The following DUS1L variants were observed in gnomAD, a reference collection of about 807,000 sequenced individuals.
DUS1L encodes the protein dihydrouridine synthase 1 like.
A neutral mutation model predicts 61.2 loss-of-function variants in DUS1L; 56 were observed. That is an observed-to-expected ratio of 0.92 (90% confidence interval 0.74 to 1.14). DUS1L has a LOEUF of 1.14. DUS1L is among the 50% of genes most tolerant of loss of function. The probability of loss-of-function intolerance (pLI) is 0.00; values close to 1 mark genes in which losing one functional copy is unlikely to be tolerated. For missense variants in DUS1L, 630 were observed against 632.4 expected, an observed-to-expected ratio of 1.00 and a Z score of 0.04; for synonymous variants, 278 against 259.5, an observed-to-expected ratio of 1.07 and a Z score of -0.69.
At chr17:82,063,057 C>A in intron 4 of DUS1L, 84 bp from the exon 5 acceptor site, 1 of 1,203,714 alleles carries the variant, frequency 8.3e-7, no homozygotes, top group Non-Finnish European at 1.2e-6. Context: ...GCCCTGCAGA[C>A]AGCGGAGCCC....
chr17:82,059,023 G>C (rs970116525), intron 11 of DUS1L: 7 of 591,796 alleles, frequency 1.2e-5, no homozygotes, highest in Non-Finnish European at 1.8e-5. Context: ...GATGCAGGGG[G>C]CACCATCCTG....
Position 82,065,776 on chromosome 17 carries a change from A to C in DUS1L, c.-174T>G, listed in dbSNP as rs1293003518. On this transcript the variant is annotated 5_prime_UTR_variant, in exon 1 of 14. Transcript: ENST00000306796. ...CGCGCCGGGGCCGCCGCCGGGCCGC[A>C]GCCGGGCCCAAGGCTCCGCGCCGCC... 1 of 148,304 alleles carries C rather than the reference A, an allele frequency of 6.7e-6. No individual in the cohort carries two copies. Among genetic ancestry groups the C allele is most frequent in the Non-Finnish European group, 1.5e-5 (1 of 66,786 alleles). The allele number at this position is 148,304 out of a possible 1,614,324, so 9.2% of individuals were successfully genotyped here.
intron 11 of DUS1L, chr17:82,059,691 C>A (rs2033363951): frequency 3.8e-6 from 2 of 522,708 alleles, no homozygotes; most frequent in Non-Finnish European, 6.8e-6. Flanking sequence ...ACGAGCTTCA[C>A]CTGGCTGAAA....
chr17:82,063,362 T>A lies in DUS1L; in HGVS notation c.397+106A>T. The A allele has an allele frequency of 3.3e-6, 5 of 1,500,844 alleles. No individual in the cohort carries two copies. In the South Asian group the frequency reaches 4.6e-5, roughly 14 times the overall value. The allele number at this position is 1,500,844 out of a possible 1,614,324, so 93.0% of individuals were successfully genotyped here. A position where few individuals can be genotyped will look rare whatever the true frequency, so the allele number is the denominator to read the frequency against. ...GAAGCCCCAGGGTGATGCTGAGAAC[T>A]CCTGCCAACGCCTGTCCTCTCCTGA... On this transcript the variant is annotated intron_variant, in intron 4 of 13. Coordinates refer to ENST00000306796, the MANE Select transcript of DUS1L (RefSeq NM_022156.5).
intron 7 of DUS1L, 86 bp downstream of exon 7, chr17:82,061,532 G>A (rs771525730): frequency 7.6e-5 from 111 of 1,453,950 alleles, no homozygotes; most frequent in Non-Finnish European, 9.3e-5. Context: ...CATGGGGAGG[G>A]CAGTAGGCAG....
At chr17:82,065,413 G>C (rs1466734367) in intron 1 of DUS1L, 200 bp downstream of exon 1, 1 of 248,608 alleles carries the variant, frequency 4.0e-6, no homozygotes, top group Non-Finnish European at 7.7e-6. Context: ...GTGAAGTTAG[G>C]ACCCCCGGCC....
At chr17:82,060,177 AG>A in intron 10 of DUS1L, 84 bp from the exon 11 acceptor site, 1 of 1,518,388 alleles carries the variant, frequency 6.6e-7, no homozygotes, top group Non-Finnish European at 8.8e-7. Flanking sequence ...AGTCTGGGTG[AG>A]GGGCCAGGCG....
chr17:82,059,057 G>A (rs2033278504), intron 11 of DUS1L: 1 of 565,000 alleles, frequency 1.8e-6, no homozygotes, highest in Admixed American at 3.0e-5. Context: ...GGAAGCAGGT[G>A]GGCTGGGGGG....
At chr17:82,058,714 G>A (rs1214767231) in intron 12 of DUS1L, 67 bp downstream of exon 12, 2 of 1,608,890 alleles carry the variant, frequency 1.2e-6, no homozygotes, top group Non-Finnish European at 8.5e-7. Flanking sequence ...ACCCCAAGCA[G>A]TGCAGAGACC....
At chr17:82,060,669 A>G in intron 10 of DUS1L, 32 bp downstream of exon 10, 1 of 1,605,858 alleles carries the variant, frequency 6.2e-7, no homozygotes, top group South Asian at 1.1e-5. Context: ...ACCTTGGTGC[A>G]CATCCCCGCC....
chr17:82,065,292 C>A, intron 1 of DUS1L: 1 of 508,026 alleles, frequency 2.0e-6, no homozygotes, highest in Non-Finnish European at 3.5e-6. Context: ...GGACTTGACC[C>A]TCCCTGGGGA....
intron 7 of DUS1L, 37 bp downstream of exon 7, chr17:82,061,581 G>C (rs1472161663): frequency 6.3e-7 from 1 of 1,589,544 alleles, no homozygotes; most frequent in African/African-American, 1.3e-5. Context: ...CAGGCCGTGT[G>C]CATGGGGCCC....
intron 6 of DUS1L, 52 bp from the exon 7 acceptor site, chr17:82,061,773 A>ATGC (rs1370942716): frequency 3.6e-5 from 58 of 1,600,072 alleles, no homozygotes; most frequent in Non-Finnish European, 4.9e-5. Context: ...CACCCAGGTG[A>ATGC]TGCTGCCCCC....
rs138365909 is a variant in DUS1L, at chr17:82,062,912, C to T, written c.459G>A (p.Glu153=). The T allele has an allele frequency of 5.8e-5, 93 of 1,613,000 alleles. No individual in the cohort carries two copies. Among genetic ancestry groups the T allele is most frequent in the Non-Finnish European group, 7.5e-5 (89 of 1,179,978 alleles). ...GGGCGTACCTCACGGTCTTGTCAAT[C>T]TCCGGGAAGACACGGATTTTGCACG... ...PVTCKIRVFP[E]IDKTVRYAQM... The change falls in exon 5 of 14, where the codon GAG becomes GAA. Residue 153 remains glutamate, a synonymous_variant. Transcript: ENST00000306796.
chr17:82,062,467 G>A (rs761857950), intron 5 of DUS1L, among the ~76,000 whole-genome samples: 1 of 152,242 alleles, frequency 6.6e-6, no homozygotes, highest in Non-Finnish European at 1.5e-5. Flanking sequence ...ATCCAGGCCC[G>A]CGCCAGGCCA....
rs1208720227 is a variant in DUS1L at position 82,058,189 on chromosome 17, G to T, written c.1348C>A (p.Leu450Met). Reference protein sequence around the residue: ...SLAWKEAQPELQEPQPAAPGT... With the variant: ...SLAWKEAQPEMQEPQPAAPGT... ...GGTGCTGCTGGCTGAGGCTCCTGCA[G>T]CTCAGGCTGGGCCTCTTTCCAGGCC... Residue 450 changes from leucine (L) to methionine (M), a missense_variant, in exon 14 of 14, where the codon CTG becomes ATG. Transcript: ENST00000306796. 6.2e-7 allele frequency: 1 copy of T among 1,601,756 alleles called. No homozygotes were observed. Among genetic ancestry groups the T allele is most frequent in the African/African-American group, 1.3e-5 (1 of 74,824 alleles).
chr17:82,064,112 CA>C lies in DUS1L; in HGVS notation c.346+13del. On this transcript the variant is annotated intron_variant, in intron 3 of 13. Transcript: ENST00000306796. Reference sequence around the variant, plus strand: ...CCCTGCCCCAGGTGCCCCCATGCTCCACATGGAGCTCACCTCTCTTGGCTAT... The same window carrying C: ...CCCTGCCCCAGGTGCCCCCATGCTCCCATGGAGCTCACCTCTCTTGGCTAT... The C allele has an allele frequency of 9.9e-6, 16 of 1,608,738 alleles. No homozygotes were observed. The highest frequency in any genetic ancestry group is 1.4e-5 in the Non-Finnish European group (16 of 1,178,000).
rs767947645 is a variant in DUS1L at position 82,058,039 on chromosome 17, C to T, written c.*76G>A. On this transcript the variant is annotated 3_prime_UTR_variant, in exon 14 of 14. Transcript: ENST00000306796. ...TCCACATTAAGTAGCAGGAGATTCCCTGAGTAAAAGGCATTTTCTTAAGTA... is the reference window on the plus strand; with the variant it reads ...TCCACATTAAGTAGCAGGAGATTCCTTGAGTAAAAGGCATTTTCTTAAGTA... The T allele has an allele frequency of 7.0e-7, 1 of 1,436,926 alleles. No homozygotes were observed. The highest frequency in any genetic ancestry group is 2.5e-5 in the East Asian group (1 of 39,616). 89.0% of individuals were successfully genotyped at this position (1,436,926 alleles called of 1,614,324 possible). A position where few individuals can be genotyped will look rare whatever the true frequency, so the allele number is the denominator to read the frequency against.
At chr17:82,063,107 C>T (rs1019908887) in intron 4 of DUS1L, 134 bp from the exon 5 acceptor site, 5 of 747,208 alleles carry the variant, frequency 6.7e-6, no homozygotes, top group Non-Finnish European at 1.1e-5. Flanking sequence ...GCCCGGGCCA[C>T]CATCTGGGTG....
Sources: allele counts gnomAD v4.1 joint callset (sites outside exome capture counted in the v4.1 genomes callset), GRCh38; gene constraint gnomAD v4.1.1; transcripts MANE v1.5; gene names NCBI Gene and HGNC (gene_info 2026-07-23, HGNC 2026-07-21).